The following UBN1 variants were observed in gnomAD, a reference collection of about 807,000 sequenced individuals.
UBN1 encodes ubinuclein-1.
A neutral mutation model predicts 108.5 loss-of-function variants in UBN1; 17 were observed. That is an observed-to-expected ratio of 0.16 (90% CI 0.11 to 0.24). The LOEUF (loss-of-function observed/expected upper bound fraction) is 0.24, where lower values mean the gene tolerates loss of function less well. UBN1 is among the 10% of genes least tolerant of loss of function. UBN1 has a pLI of 1.00. For missense variants in UBN1, 1,595 were observed against 1,394.4 expected (o/e 1.14, Z -2.29); for synonymous variants, 726 against 564.2 (o/e 1.29, Z -4.07).
chr16:4,871,420 T>TGA, intron 12 of UBN1, 119 bp downstream of exon 12: 3 of 1,374,636 alleles, frequency 2.2e-6, no homozygotes, highest in Non-Finnish European at 2.9e-6. Context: ...GCCTCAACTC[T>TGA]GATCTCACCT....
At chr16:4,849,154 C>A (rs1330130872) in intron 1 of UBN1, among the ~76,000 whole-genome samples, 2 of 152,158 alleles carry the variant, frequency 1.3e-5, no homozygotes, top group African/African-American at 2.4e-5. Flanking sequence ...TGCACCAAAA[C>A]CTAGAGGCAT....
At chr16:4,869,827 G>C (rs967706617) in intron 8 of UBN1, among the ~76,000 whole-genome samples, 11 of 152,106 alleles carry the variant, frequency 7.2e-5, no homozygotes, top group African/African-American at 2.4e-4. Context: ...GATAAACGTG[G>C]GGACTGGGGG....
intron 2 of UBN1, among the ~76,000 whole-genome samples, chr16:4,856,794 T>C (rs1355918945): frequency 6.6e-6 from 1 of 152,216 alleles, no homozygotes; most frequent in Non-Finnish European, 1.5e-5. Flanking sequence ...GTAGAAAAAT[T>C]AGAAGATCCA....
In UBN1 at chr16:4,859,207, C is replaced by T. The variant is rs1264730180; in HGVS notation, c.567+48C>T. 6 of 1,595,486 alleles carry T rather than the reference C, an allele frequency of 3.8e-6. No homozygotes were observed. In the African/African-American group the frequency reaches 5.4e-5, roughly 14 times the overall value. ...ATTTCAGAAATGCTTTTTGACGTGA[C>T]CCTATCAGATCAGTAGGTGACTTGC... On this transcript the variant is annotated intron_variant, in intron 5 of 17. Transcript: ENST00000262376.
chr16:4,854,720 T>C (rs2086715499), intron 2 of UBN1, among the ~76,000 whole-genome samples: 1 of 149,912 alleles, frequency 6.7e-6, no homozygotes, highest in African/African-American at 2.5e-5. Context: ...ACCGCCTAGG[T>C]GAAAAGCTGT....
At position 4,871,398 on chromosome 16, in the gene UBN1, C is replaced by CA. The variant is rs2087623480; in HGVS notation, c.1706+98dup. 3.9e-5 allele frequency: 59 copies of CA among 1,509,358 alleles called. 1 individual carries two copies. Among genetic ancestry groups the CA allele is most frequent in the Middle Eastern group, 4.9e-4 (2 of 4,058 alleles). 93.5% of individuals were successfully genotyped at this position (1,509,358 alleles called of 1,614,324 possible). A position where few individuals can be genotyped will look rare whatever the true frequency, so the allele number is the denominator to read the frequency against. Reference sequence around the variant, plus strand: ...AACAGGATCCTTGCTCACAGGGAGTCACTGTCTAGCTGCCTCAACTCTGAT... The same window carrying CA: ...AACAGGATCCTTGCTCACAGGGAGTCAACTGTCTAGCTGCCTCAACTCTGAT... On this transcript the variant is annotated intron_variant, in intron 12 of 17. Transcript: ENST00000262376.
intron 2 of UBN1, among the ~76,000 whole-genome samples, chr16:4,857,121 C>A (rs1443668613): frequency 6.6e-6 from 1 of 151,836 alleles, no homozygotes; most frequent in African/African-American, 2.4e-5. Context: ...ATGGGCAGAT[C>A]ATTTGAGCCC....
rs1228469552 is a variant in UBN1, at chr16:4,880,371, G to A, written c.*239G>A. On this transcript the variant is annotated 3_prime_UTR_variant, in exon 18 of 18. Coordinates refer to ENST00000262376, the MANE Select transcript of UBN1 (RefSeq NM_001079514.3). ...GGGCCTTGCAGCTCTGTCGCTAGACGGTTGTTAGAGGGGCAGCTCTAGGCT... is the reference window on the plus strand; with the variant it reads ...GGGCCTTGCAGCTCTGTCGCTAGACAGTTGTTAGAGGGGCAGCTCTAGGCT... The A allele has an allele frequency of 1.4e-5, 7 of 514,376 alleles. No individual in the cohort carries two copies. In the South Asian group the frequency reaches 1.7e-4, roughly 12 times the overall value. The allele number at this position is 514,376 out of a possible 1,614,324, so 31.9% of individuals were successfully genotyped here. A position where few individuals can be genotyped will look rare whatever the true frequency, so the allele number is the denominator to read the frequency against.
chr16:4,871,576 CTTTTTTTTTTTT>C (rs35865064), intron 12 of UBN1, among the ~76,000 whole-genome samples: 16 of 88,420 alleles, frequency 1.8e-4, no homozygotes, highest in Non-Finnish European at 2.9e-4. Flanking sequence ...ATGCACTTTC[CTTTTTTTTTTTT>C]TTTTTTTTTT....
intron 2 of UBN1, among the ~76,000 whole-genome samples, chr16:4,853,621 G>A (rs1464272975): frequency 6.6e-6 from 1 of 150,422 alleles, no homozygotes; most frequent in African/African-American, 2.5e-5. Context: ...GCAATGGGGC[G>A]ATCTCGGCTC....
At chr16:4,849,029 A>AGC (rs939451917) in intron 1 of UBN1, among the ~76,000 whole-genome samples, 4 of 152,184 alleles carry the variant, frequency 2.6e-5, no homozygotes, top group African/African-American at 4.8e-5. Context: ...TAACCCGGGA[A>AGC]GCGGAGGTTG....
At chr16:4,870,156 T>C in intron 8 of UBN1, 56 bp from the exon 9 acceptor site, 1 of 1,609,008 alleles carries the variant, frequency 6.2e-7, no homozygotes, top group Non-Finnish European at 8.5e-7. Flanking sequence ...GGTGAGCTGA[T>C]GAAGACAGGA....
In UBN1 at chr16:4,881,462, G is replaced by T. The variant is rs1168928409; in HGVS notation, c.*1330G>T. The T allele has an allele frequency of 6.6e-6, 1 of 152,206 alleles. No homozygotes were observed. Among genetic ancestry groups the T allele is most frequent in the East Asian group, 1.9e-4 (1 of 5,198 alleles). The allele number at this position is 152,206 out of a possible 1,614,324, so 9.4% of individuals were successfully genotyped here. A position where few individuals can be genotyped will look rare whatever the true frequency, so the allele number is the denominator to read the frequency against. ...TCTTGTGAGGTCTGTGCCACAAGGTGAGTCTGAACTGACTGCTCCAGCTAA... is the reference window on the plus strand; with the variant it reads ...TCTTGTGAGGTCTGTGCCACAAGGTTAGTCTGAACTGACTGCTCCAGCTAA... On this transcript the variant is annotated 3_prime_UTR_variant, in exon 18 of 18. Coordinates refer to ENST00000262376, the MANE Select transcript of UBN1 (RefSeq NM_001079514.3).
chr16:4,870,551 G>T lies in UBN1; in HGVS notation c.1347G>T (p.Lys449Asn). The T allele has an allele frequency of 1.2e-6, 2 of 1,614,260 alleles. No individual in the cohort carries two copies. The highest frequency in any genetic ancestry group is 1.7e-6 in the Non-Finnish European group (2 of 1,180,038). The change falls in exon 10 of 18, where the codon AAG (lysine) becomes AAT (asparagine). Residue 449 changes from lysine (K) to asparagine (N), a missense_variant. Lys to Asn is a moderately conservative substitution (Grantham distance 94, BLOSUM62 0). This residue lies in a region of UBN1 where 1,398 missense variants were observed against 1,194.7 expected (regional missense o/e 1.17). Transcript: ENST00000262376. ...GRLKEPLQKL[K>N]EAIGRAMPEQ... is the part of the protein sequence containing the mutation. Reference sequence around the variant, plus strand: ...TGAAGGAGCCTCTCCAGAAGCTCAAGGAAGCCATTGGCAGGGCGATGCCAG... The same window carrying T: ...TGAAGGAGCCTCTCCAGAAGCTCAATGAAGCCATTGGCAGGGCGATGCCAG...
chr16:4,873,140 G>T, intron 14 of UBN1, 67 bp downstream of exon 14: 1 of 1,600,678 alleles, frequency 6.2e-7, no homozygotes, highest in East Asian at 2.2e-5. Context: ...TCTGGAAACA[G>T]TCAAGTGACT....
rs2087764940 is a variant in UBN1, at chr16:4,874,093, T to C, written c.1801-118T>C. Reference sequence around the variant, plus strand: ...CTGCTCTGTCCCACCACTTGTCTTGTAATTATACAGGAAGGCCCAGTTTTT... The same window carrying C: ...CTGCTCTGTCCCACCACTTGTCTTGCAATTATACAGGAAGGCCCAGTTTTT... On this transcript the variant is annotated intron_variant, in intron 14 of 17. Coordinates refer to ENST00000262376, the MANE Select transcript of UBN1 (RefSeq NM_001079514.3). 1.1e-5 allele frequency: 14 copies of C among 1,300,548 alleles called. No individual in the cohort carries two copies. In the South Asian group the frequency reaches 1.9e-4, roughly 17 times the overall value. 80.6% of individuals were successfully genotyped at this position (1,300,548 alleles called of 1,614,324 possible).
chr16:4,865,084 T>C (rs1004259039), intron 7 of UBN1, among the ~76,000 whole-genome samples: 2 of 152,142 alleles, frequency 1.3e-5, no homozygotes, highest in African/African-American at 4.8e-5. Context: ...ACTAGTTAAC[T>C]TAGGATTGAT....
At chr16:4,865,106 A>G (rs1004897126) in intron 7 of UBN1, among the ~76,000 whole-genome samples, 3 of 152,154 alleles carry the variant, frequency 2.0e-5, no homozygotes, top group Non-Finnish European at 4.4e-5. Context: ...AATTCACACA[A>G]CTTCTGGGGT....
chr16:4,857,429 G>A (rs966062), intron 2 of UBN1, among the ~76,000 whole-genome samples: 35,425 of 150,342 alleles, frequency 0.24, 4,461 homozygotes, highest in Admixed American at 0.29. Context: ...AAATTTGCTT[G>A]ATGAGAAAAG....
Sources: gnomAD v4.1 joint callset for allele counts (sites outside exome capture counted in the v4.1 genomes callset) on GRCh38, gnomAD v4.1.1 for gene constraint, gnomAD v4.1.1 regional missense constraint, MANE v1.5 for transcripts, NCBI Gene and HGNC (gene_info 2026-07-23, HGNC 2026-07-21) for gene names.